TMEM233: variants seen among roughly 807,000 people sequenced by gnomAD.
TMEM233 encodes dispanin subfamily B member 2.
A neutral mutation model predicts 11.2 loss-of-function variants in TMEM233; 6 were observed. The observed-to-expected ratio is 0.54, with a 90% CI of 0.29 to 1.06. The LOEUF is 1.06. Among genes scored for constraint, TMEM233 ranks in the 50% least tolerant of loss-of-function variants. The pLI, the probability that TMEM233 is intolerant of heterozygous loss-of-function variation, is 0.08. For synonymous variants in TMEM233, 59 were observed against 55.8 expected, an observed-to-expected ratio of 1.06 and a Z score of -0.26; for missense variants, 127 against 144.7, an observed-to-expected ratio of 0.88 and a Z score of 0.63.
the TMEM233 span, among the ~76,000 whole-genome samples, chr12:119,652,939 A>G: frequency 6.6e-6 from 1 of 152,126 alleles, no homozygotes; most frequent in Non-Finnish European, 1.5e-5. Flanking sequence ...ACAAAACCAA[A>G]ATGGATCCAC....
rs1954839996 is a variant in TMEM233, at chr12:119,629,750, C to T, written c.201C>T (p.Tyr67=). ...LVFSIMSLNS[Y]NDGDYEGARR... is the part of the protein sequence containing the mutation. ...CTGTCCCCCAGTCTCTGAACAGCTACAACGATGGAGACTACGAAGGAGCCA... is the reference window on the plus strand; with the variant it reads ...CTGTCCCCCAGTCTCTGAACAGCTATAACGATGGAGACTACGAAGGAGCCA... The change falls in exon 2 of 3, where the codon TAC becomes TAT. Residue 67 remains tyrosine (Y), a synonymous_variant. Coordinates refer to ENST00000426426, the MANE Select transcript of TMEM233 (RefSeq NM_001136534.3). 1 of 1,550,990 alleles carries T rather than the reference C, an allele frequency of 6.4e-7. No homozygotes were observed. Among genetic ancestry groups the T allele is most frequent in the South Asian group, 1.2e-5 (1 of 83,986 alleles).
intron 1 of TMEM233, among the ~76,000 whole-genome samples, chr12:119,617,833 C>CA (rs1300372630): frequency 3.3e-5 from 5 of 151,612 alleles, no homozygotes; most frequent in African/African-American, 9.7e-5. Context: ...AACTCCATCT[C>CA]AAAAAAACAA....
chr12:119,645,541 C>T (rs1451518937), downstream of TMEM233, among the ~76,000 whole-genome samples: 1 of 152,166 alleles, frequency 6.6e-6, no homozygotes, highest in Non-Finnish European at 1.5e-5. Context: ...GGAGAAGCCA[C>T]AGAAAGAAGG....
intron 1 of TMEM233, among the ~76,000 whole-genome samples, chr12:119,600,650 C>T (rs1012177244): frequency 1.3e-5 from 2 of 152,112 alleles, no homozygotes; most frequent in Non-Finnish European, 2.9e-5. Flanking sequence ...CCTGGATGAA[C>T]CTTGAAAATA....
chr12:119,619,452 G>A (rs966344468), intron 1 of TMEM233, among the ~76,000 whole-genome samples: 4 of 152,022 alleles, frequency 2.6e-5, no homozygotes, highest in Non-Finnish European at 4.4e-5. Context: ...ACCAGCCTGG[G>A]CAACATGGCA....
chr12:119,623,406 T>A (rs913105814), intron 1 of TMEM233, among the ~76,000 whole-genome samples: 6 of 152,116 alleles, frequency 3.9e-5, no homozygotes, highest in Non-Finnish European at 8.8e-5. Context: ...AATTTAGGGT[T>A]CTAATATTCT....
At chr12:119,613,850 A>G (rs1593289148) in intron 1 of TMEM233, among the ~76,000 whole-genome samples, 2 of 152,134 alleles carry the variant, frequency 1.3e-5, no homozygotes, top group East Asian at 3.9e-4. Flanking sequence ...GGCTGCCCTG[A>G]AGGTGCCAAC....
At chr12:119,651,825 C>CA in the TMEM233 span, among the ~76,000 whole-genome samples, 432 of 79,282 alleles carry the variant, frequency 5.4e-3, 6 homozygotes, top group East Asian at 0.034. Flanking sequence ...GACTCCGTCT[C>CA]AAAAAAAAAA....
chr12:119,624,192 A>AT (rs1480114767), intron 1 of TMEM233, among the ~76,000 whole-genome samples: 1 of 150,486 alleles, frequency 6.6e-6, no homozygotes, highest in African/African-American at 2.4e-5. Flanking sequence ...TCTACCAAAA[A>AT]TTAAAAAAAA....
At position 119,641,077 on chromosome 12, in the gene TMEM233, T is replaced by C. The variant is rs1955076565; in HGVS notation, c.*372T>C. ...TGAGGGGATCCAGGGGGTCTCCATA[T>C]AGGGGGAGATGGAGGTTTCTAGGAA... On this transcript the variant is annotated 3_prime_UTR_variant, in exon 3 of 3. Transcript: ENST00000426426. 2 of 220,820 alleles carry C rather than the reference T, an allele frequency of 9.1e-6. No homozygotes were observed. The highest frequency in any genetic ancestry group is 1.7e-3 in the Middle Eastern group (1 of 604). The allele number at this position is 220,820 out of a possible 1,614,324, so 13.7% of individuals were successfully genotyped here.
intron 2 of TMEM233, chr12:119,631,516 A>G: frequency 2.3e-5 from 23 of 985,460 alleles, no homozygotes; most frequent in Non-Finnish European, 2.8e-5. Flanking sequence ...CTCAAACATG[A>G]AAGGAAACTC....
chr12:119,632,067 G>A (rs1407424159), intron 2 of TMEM233, among the ~76,000 whole-genome samples: 1 of 152,158 alleles, frequency 6.6e-6, no homozygotes, highest in Non-Finnish European at 1.5e-5. Flanking sequence ...CTTGACTCCT[G>A]GGAACTTGGG....
intron 1 of TMEM233, among the ~76,000 whole-genome samples, chr12:119,616,954 G>A (rs1954550109): frequency 1.3e-5 from 2 of 152,204 alleles, no homozygotes; most frequent in African/African-American, 2.4e-5. Flanking sequence ...CCCCAGCCCT[G>A]TGGAACTGTG....
chr12:119,618,222 C>A (rs1228668473), intron 1 of TMEM233, among the ~76,000 whole-genome samples: 1 of 152,208 alleles, frequency 6.6e-6, no homozygotes, highest in East Asian at 1.9e-4. Context: ...GAACCTCCAC[C>A]TAGATTTCAG....
intron 1 of TMEM233, among the ~76,000 whole-genome samples, chr12:119,597,495 A>C (rs1183912747): frequency 6.6e-6 from 1 of 151,780 alleles, no homozygotes; most frequent in Non-Finnish European, 1.5e-5. Context: ...CAACAATCTC[A>C]AAACAATCAA....
Position 119,641,840 on chromosome 12 carries a change from A to G in TMEM233, c.*1135A>G, listed in dbSNP as rs1477012633. 6.6e-6 allele frequency: 1 copy of G among 152,186 alleles called. No individual in the cohort carries two copies. The highest frequency in any genetic ancestry group is 1.5e-5 in the Non-Finnish European group (1 of 68,026). The allele number at this position is 152,186 out of a possible 1,614,324, so 9.4% of individuals were successfully genotyped here. On this transcript the variant is annotated 3_prime_UTR_variant, in exon 3 of 3. Coordinates refer to ENST00000426426, the MANE Select transcript of TMEM233 (RefSeq NM_001136534.3). ...TACAGCAAGGAAAAAGTCTCTGTTTAGTGCTAGCAGGTCCTTTACACCTTT... is the reference window on the plus strand; with the variant it reads ...TACAGCAAGGAAAAAGTCTCTGTTTGGTGCTAGCAGGTCCTTTACACCTTT...
chr12:119,600,617 G>A (rs1954143780), intron 1 of TMEM233, among the ~76,000 whole-genome samples: 1 of 152,118 alleles, frequency 6.6e-6, no homozygotes, highest in East Asian at 1.9e-4. Flanking sequence ...TTAAAAGGAA[G>A]GAAATTCTGA....
At chr12:119,620,659 A>C (rs1954622444) in intron 1 of TMEM233, among the ~76,000 whole-genome samples, 1 of 152,212 alleles carries the variant, frequency 6.6e-6, no homozygotes, top group Non-Finnish European at 1.5e-5. Flanking sequence ...GTTACAAAGG[A>C]AAGATTGCAC....
At chr12:119,638,179 G>A (rs753075395) in intron 2 of TMEM233, among the ~76,000 whole-genome samples, 9 of 152,154 alleles carry the variant, frequency 5.9e-5, no homozygotes, top group Non-Finnish European at 1.2e-4. Flanking sequence ...TGCCAATGCC[G>A]CTGGGCACTG....
Sources: allele counts gnomAD v4.1 joint callset (sites outside exome capture counted in the v4.1 genomes callset), GRCh38; gene constraint gnomAD v4.1.1; transcripts MANE v1.5; gene names NCBI Gene and HGNC (gene_info 2026-07-23, HGNC 2026-07-21).